The following ANKS1B variants were observed in gnomAD, a reference collection of about 807,000 sequenced individuals.
ANKS1B encodes the protein ankyrin repeat and sterile alpha motif domain-containing protein 1B.
Under a neutral mutation model 148.3 loss-of-function variants are expected in ANKS1B, and 36 were observed. The ratio of observed to expected loss-of-function variants is 0.24; its 90% CI spans 0.19 to 0.32. The LOEUF (loss-of-function observed/expected upper bound fraction) is 0.32. Among genes scored for constraint, ANKS1B ranks in the 10% least tolerant of loss-of-function variants. The pLI, the probability that ANKS1B is intolerant of heterozygous loss-of-function variation, is 1.00. For synonymous variants in ANKS1B, 542 were observed against 560.8 expected (o/e 0.97, Z 0.47); for missense variants, 1,157 against 1,542.6 (o/e 0.75, Z 4.19).
At chr12:99,785,584 C>T (rs559625232) in intron 4 of ANKS1B, among the ~76,000 whole-genome samples, 3 of 152,198 alleles carry the variant, frequency 2.0e-5, no homozygotes, top group East Asian at 3.9e-4. Flanking sequence ...AGGCATGCGC[C>T]ACCACGCCCA....
intron 1 of ANKS1B, among the ~76,000 whole-genome samples, chr12:99,833,947 A>G (rs770261027): frequency 3.9e-5 from 6 of 152,160 alleles, no homozygotes; most frequent in Non-Finnish European, 7.4e-5. Context: ...TTTAGAATGG[A>G]AAGTTAGCAT....
In ANKS1B at chr12:99,264,329, C is replaced by T. The variant is rs151155704; in HGVS notation, c.1757-17465G>A. Among the ~76,000 whole-genome samples the T allele has an allele frequency of 1.9e-3, 284 of 152,144 alleles. 1 individual carries two copies. The highest frequency in any genetic ancestry group is 6.5e-3 in the African/African-American group (271 of 41,532). On this transcript the variant is annotated intron_variant, in intron 12 of 26. Coordinates refer to ENST00000683438, the MANE Select transcript of ANKS1B (RefSeq NM_001352186.2). The stretch of plus-strand genomic sequence containing the variant: ...CATGGATCTTTCCCCTGTGTTTTAT[C>T]TTTTCTCTTGTAATTTTTATTTATA...
chr12:99,249,860 C>T (rs374992139), intron 12 of ANKS1B, among the ~76,000 whole-genome samples: 2 of 152,250 alleles, frequency 1.3e-5, no homozygotes, highest in Admixed American at 6.5e-5. Context: ...GGAACCCTGA[C>T]ACCATGTGAA....
At chr12:99,337,975 C>G (rs1047001912) in intron 12 of ANKS1B, among the ~76,000 whole-genome samples, 1 of 152,228 alleles carries the variant, frequency 6.6e-6, no homozygotes, top group Non-Finnish European at 1.5e-5. Flanking sequence ...TGGGTCAGAT[C>G]TGAAGCCAGC....
At chr12:98,988,446 T>C (rs1011637304) in intron 17 of ANKS1B, among the ~76,000 whole-genome samples, 1 of 152,202 alleles carries the variant, frequency 6.6e-6, no homozygotes, top group Non-Finnish European at 1.5e-5. Flanking sequence ...CCCTTATTTT[T>C]TTATGGACAA....
intron 12 of ANKS1B, among the ~76,000 whole-genome samples, chr12:99,397,757 A>G (rs1169247753): frequency 6.6e-6 from 1 of 152,176 alleles, no homozygotes; most frequent in Non-Finnish European, 1.5e-5. Context: ...AGTTCCTGAC[A>G]CATAGTGTCA....
rs535032343 is a variant in ANKS1B, at chr12:99,647,832, G to A, written c.1272+7235C>T. 7.5e-5 allele frequency: 21 copies of A among 280,822 alleles called. No homozygotes were observed. In the South Asian group the frequency reaches 1.4e-3, roughly 19 times the overall value. The allele number at this position is 280,822 out of a possible 1,614,324, so 17.4% of individuals were successfully genotyped here. On this transcript the variant is annotated intron_variant, in intron 9 of 26. Transcript: ENST00000683438. The stretch of plus-strand genomic sequence containing the variant: ...GTGGAATCAAAGAGCAAAGGCTGTT[G>A]TGAAGTGGAATATCAGGCTCAAATG...
At chr12:99,130,772 C>T (rs1261685606) in intron 15 of ANKS1B, among the ~76,000 whole-genome samples, 2 of 152,158 alleles carry the variant, frequency 1.3e-5, no homozygotes, top group African/African-American at 4.8e-5. Context: ...TTCTTCCATT[C>T]CTCACATGCA....
chr12:99,766,700 G>A (rs1418686832), intron 8 of ANKS1B, among the ~76,000 whole-genome samples: 1 of 152,116 alleles, frequency 6.6e-6, no homozygotes, highest in Non-Finnish European at 1.5e-5. Context: ...AGGTTAGAAT[G>A]TTCTTTTGAA....
At chr12:99,068,079 A>G (rs1420412535) in intron 16 of ANKS1B, among the ~76,000 whole-genome samples, 1 of 152,140 alleles carries the variant, frequency 6.6e-6, no homozygotes, top group Admixed American at 6.6e-5. Context: ...TCATATGTAT[A>G]ACATCATTCT....
chr12:99,032,170 G>A (rs905805749), intron 17 of ANKS1B, among the ~76,000 whole-genome samples: 3 of 152,176 alleles, frequency 2.0e-5, no homozygotes, highest in African/African-American at 7.2e-5. Context: ...TTATCACATA[G>A]TCTATTGCAA....
Position 99,244,003 on chromosome 12 carries a change from G to A in ANKS1B, c.2419+339C>T, listed in dbSNP as rs550013415. Among the ~76,000 whole-genome samples the A allele has an allele frequency of 3.0e-4, 45 of 151,548 alleles. 1 individual carries two copies. The highest frequency in any genetic ancestry group is 3.4e-3 in the Middle Eastern group (1 of 294). ...CTGCACATTGTGCACATGTACCCTAGCACTTAAAGTATAATAATAAAAAAA... is the reference window on the plus strand; with the variant it reads ...CTGCACATTGTGCACATGTACCCTAACACTTAAAGTATAATAATAAAAAAA... On this transcript the variant is annotated intron_variant, in intron 14 of 26. Transcript: ENST00000683438.
intron 17 of ANKS1B, among the ~76,000 whole-genome samples, chr12:98,958,603 A>G (rs904622275): frequency 6.6e-6 from 1 of 152,234 alleles, no homozygotes; most frequent in African/African-American, 2.4e-5. Flanking sequence ...TAAACATTAT[A>G]ACCAGATTAG....
chr12:99,355,589 T>G (rs997914440), intron 12 of ANKS1B, among the ~76,000 whole-genome samples: 22 of 152,210 alleles, frequency 1.4e-4, no homozygotes, highest in Non-Finnish European at 2.1e-4. Context: ...GGCCTCTGCA[T>G]GGAGATTCAG....
chr12:99,828,069 T>C (rs754845383), intron 1 of ANKS1B, among the ~76,000 whole-genome samples: 16 of 152,082 alleles, frequency 1.1e-4, no homozygotes, highest in African/African-American at 2.4e-4. Context: ...AACAGATAAA[T>C]TGTGATATAT....
At chr12:99,551,214 A>C (rs1403502206) in intron 9 of ANKS1B, among the ~76,000 whole-genome samples, 1 of 151,992 alleles carries the variant, frequency 6.6e-6, no homozygotes, top group Non-Finnish European at 1.5e-5. Flanking sequence ...CACCGTTTCT[A>C]CTCCCACTTC....
At chr12:98,755,242 G>A (rs2098206276) in intron 25 of ANKS1B, among the ~76,000 whole-genome samples, 1 of 152,170 alleles carries the variant, frequency 6.6e-6, no homozygotes, top group African/African-American at 2.4e-5. Flanking sequence ...CATCTGAAAC[G>A]GGAGGAGAGT....
chr12:98,932,862 T>C (rs915159291), intron 17 of ANKS1B, among the ~76,000 whole-genome samples: 3 of 152,112 alleles, frequency 2.0e-5, no homozygotes, highest in African/African-American at 7.2e-5. Flanking sequence ...GCTGACTTTC[T>C]GTGTGTGTGT....
At chr12:99,881,949 G>A (rs1461328679) in intron 1 of ANKS1B, among the ~76,000 whole-genome samples, 1 of 152,092 alleles carries the variant, frequency 6.6e-6, no homozygotes, top group African/African-American at 2.4e-5. Flanking sequence ...TTACATAGAG[G>A]AAGAAATTTC....
Sources: gnomAD v4.1 joint callset for allele counts (sites outside exome capture counted in the v4.1 genomes callset) on GRCh38, gnomAD v4.1.1 for gene constraint, MANE v1.5 for transcripts, NCBI Gene and HGNC (gene_info 2026-07-23, HGNC 2026-07-21) for gene names.